Variants in GRIN2A observed in about 807,000 individuals in gnomAD.
GRIN2A encodes glutamate receptor ionotropic, NMDA 2A.
A neutral mutation model predicts 113.4 loss-of-function variants in GRIN2A; 22 were observed. The observed-to-expected ratio is 0.19, with a 90% confidence interval of 0.14 to 0.28. The LOEUF (loss-of-function observed/expected upper bound fraction) is 0.28. Among genes scored for constraint, GRIN2A ranks in the 10% least tolerant of loss-of-function variants. GRIN2A has a pLI of 1.00. For missense variants in GRIN2A, 1,502 were observed against 1,887.0 expected (o/e 0.80, Z 3.78); for synonymous variants, 827 against 738.4 (o/e 1.12, Z -1.94).
chr16:9,790,472 G>T (rs1902539297), intron 11 of GRIN2A, among the ~76,000 whole-genome samples: 1 of 152,012 alleles, frequency 6.6e-6, no homozygotes, highest in Non-Finnish European at 1.5e-5. Context: ...TAATTCTGTT[G>T]GTTATATGCC....
intron 2 of GRIN2A, among the ~76,000 whole-genome samples, chr16:10,041,902 T>C (rs1750732309): frequency 6.6e-6 from 1 of 152,196 alleles, no homozygotes; most frequent in Non-Finnish European, 1.5e-5. Flanking sequence ...TGGTACTTTA[T>C]TTGTTCCTTT....
chr16:9,755,217 C>G lies in GRIN2A; in HGVS notation c.*7932G>C, dbSNP rs1281573050. The G allele has an allele frequency of 5.3e-6, 1 of 187,718 alleles. No individual in the cohort carries two copies. The highest frequency in any genetic ancestry group is 1.1e-5 in the Non-Finnish European group (1 of 89,106). The allele number at this position is 187,718 out of a possible 1,614,324, so 11.6% of individuals were successfully genotyped here. On this transcript the variant is annotated 3_prime_UTR_variant, in exon 13 of 13. Coordinates refer to ENST00000330684, the MANE Select transcript of GRIN2A (RefSeq NM_001134407.3). ...TGACACTTTATCTGAGGAAGTTAAT[C>G]TGAGGAATGACTTCATTTTAAGCAA... is the stretch of plus-strand genomic sequence containing the variant.
chr16:10,039,585 C>A (rs1567253529), intron 2 of GRIN2A, among the ~76,000 whole-genome samples: 1 of 151,884 alleles, frequency 6.6e-6, no homozygotes, highest in Non-Finnish European at 1.5e-5. Context: ...GCGAGGACTG[C>A]GCAGCAGCGG....
chr16:10,032,932 T>C (rs182997745), intron 2 of GRIN2A, among the ~76,000 whole-genome samples: 1 of 152,318 alleles, frequency 6.6e-6, no homozygotes, highest in East Asian at 1.9e-4. Flanking sequence ...TGTCCATATA[T>C]CCAGTGTCCT....
intron 2 of GRIN2A, among the ~76,000 whole-genome samples, chr16:10,096,142 G>T (rs752636378): frequency 6.6e-6 from 1 of 152,126 alleles, no homozygotes; most frequent in African/African-American, 2.4e-5. Flanking sequence ...ATTCACTGGG[G>T]GTTTAGGGCC....
intron 2 of GRIN2A, among the ~76,000 whole-genome samples, chr16:10,045,225 G>A (rs778524139): frequency 2.0e-5 from 3 of 152,170 alleles, no homozygotes. Context: ...CCAGGAAAAT[G>A]TATCCCACGA....
intron 5 of GRIN2A, among the ~76,000 whole-genome samples, chr16:9,841,634 C>A (rs1334257783): frequency 6.6e-6 from 1 of 152,156 alleles, no homozygotes; most frequent in African/African-American, 2.4e-5. Flanking sequence ...ACCCAGACAA[C>A]ACCTCAGCCA....
chr16:9,772,103 G>A (rs76986518), intron 11 of GRIN2A, among the ~76,000 whole-genome samples: 5,151 of 152,124 alleles, frequency 0.034, 193 homozygotes, highest in African/African-American at 0.093. Flanking sequence ...CTGATCAATC[G>A]GTTGTGTAGG....
chr16:9,948,723 G>T (rs1424934570), intron 2 of GRIN2A, among the ~76,000 whole-genome samples: 2 of 152,192 alleles, frequency 1.3e-5, no homozygotes, highest in Non-Finnish European at 2.9e-5. Flanking sequence ...GCCACCCTGG[G>T]GTGAACCGCC....
At chr16:10,155,586 T>A (rs969597306) in intron 2 of GRIN2A, among the ~76,000 whole-genome samples, 11 of 152,240 alleles carry the variant, frequency 7.2e-5, no homozygotes, top group African/African-American at 2.7e-4. Context: ...TAATGTACTA[T>A]CTTTTCCACT....
rs754188546 is a variant in GRIN2A at position 9,819,555 on chromosome 16, G to A, written c.2168+2709C>T. ...AAAAAAATTTAAATAATTAATCAAG[G>A]AGCCTGTTAAACATGTATGTGGTTT... On this transcript the variant is annotated intron_variant, in intron 10 of 12. Transcript: ENST00000330684. 4.0e-5 allele frequency among the ~76,000 whole-genome samples: 6 copies of A among 151,868 alleles called. No homozygotes were observed. The Middle Eastern group carries it at 0.01, about 258-fold the overall frequency.
intron 3 of GRIN2A, among the ~76,000 whole-genome samples, chr16:9,932,833 A>C (rs1392781305): frequency 6.6e-6 from 1 of 152,158 alleles, no homozygotes; most frequent in East Asian, 1.9e-4. Context: ...GACTCACCCA[A>C]GGTCCGAAGT....
At chr16:9,866,357 A>G (rs994725526) in intron 4 of GRIN2A, among the ~76,000 whole-genome samples, 3 of 152,046 alleles carry the variant, frequency 2.0e-5, no homozygotes, top group Admixed American at 1.3e-4. Flanking sequence ...GGATCAGAGA[A>G]CAGCATGCAC....
At chr16:10,130,957 G>C (rs779566754) in intron 2 of GRIN2A, among the ~76,000 whole-genome samples, 1 of 152,222 alleles carries the variant, frequency 6.6e-6, no homozygotes, top group Admixed American at 6.5e-5. Context: ...AAGAGGGACA[G>C]AGGCAGCAAT....
At chr16:9,931,598 GC>G (rs2044595078) in intron 3 of GRIN2A, among the ~76,000 whole-genome samples, 1 of 152,038 alleles carries the variant, frequency 6.6e-6, no homozygotes, top group Admixed American at 6.6e-5. Context: ...CTTCCCAATG[GC>G]CATATTTCTC....
At chr16:9,988,097 A>T (rs2046013886) in intron 2 of GRIN2A, among the ~76,000 whole-genome samples, 1 of 152,094 alleles carries the variant, frequency 6.6e-6, no homozygotes, top group Admixed American at 6.6e-5. Flanking sequence ...GGCTTCCACA[A>T]CACCAACCTA....
chr16:10,072,946 C>CCCCTTTT (rs565877354), intron 2 of GRIN2A, among the ~76,000 whole-genome samples: 6,985 of 104,436 alleles, frequency 0.067, 293 homozygotes, highest in Non-Finnish European at 0.086. Context: ...ACAAGACCCC[C>CCCCTTTT]TTTTTTTTTT....
intron 3 of GRIN2A, among the ~76,000 whole-genome samples, chr16:9,916,663 C>T (rs2044257027): frequency 6.6e-6 from 1 of 152,156 alleles, no homozygotes; most frequent in Admixed American, 6.5e-5. Context: ...ACGGTCCACT[C>T]CTAGCTCTTT....
chr16:9,856,203 C>G (rs1369588427), intron 4 of GRIN2A, among the ~76,000 whole-genome samples: 1 of 152,158 alleles, frequency 6.6e-6, no homozygotes, highest in Non-Finnish European at 1.5e-5. Flanking sequence ...TTGCTCAGGT[C>G]AGATCATAAG....
Sources: allele counts gnomAD v4.1 joint callset (sites outside exome capture counted in the v4.1 genomes callset), GRCh38; gene constraint gnomAD v4.1.1; transcripts MANE v1.5; gene names NCBI Gene and HGNC (gene_info 2026-07-23, HGNC 2026-07-21).